The following P2RX5 variants were observed in gnomAD, a reference collection of about 807,000 sequenced individuals.
The protein encoded by P2RX5 is purinergic receptor P2X 5.
In P2RX5, 46 loss-of-function variants were observed where a neutral mutation model predicts 54.1. That is an observed-to-expected ratio of 0.85 (90% CI 0.67 to 1.09). The LOEUF (loss-of-function observed/expected upper bound fraction) is 1.09. Among genes scored for constraint, P2RX5 ranks in the 50% least tolerant of loss-of-function variants. P2RX5 has a pLI of 0.00. For missense variants in P2RX5, 566 were observed against 549.8 expected (o/e 1.03, Z -0.29); for synonymous variants, 226 against 226.4 (o/e 1.00, Z 0.02).
chr17:3,699,488 C>A (rs1372343026), upstream of P2RX5, among the ~76,000 whole-genome samples: 2 of 151,798 alleles, frequency 1.3e-5, no homozygotes, highest in African/African-American at 4.8e-5. Flanking sequence ...GAGTTCAACA[C>A]TGTAGTGAGC....
chr17:3,709,105 C>T, the P2RX5 span, among the ~76,000 whole-genome samples: 2 of 152,144 alleles, frequency 1.3e-5, no homozygotes, highest in Non-Finnish European at 2.9e-5. Flanking sequence ...GCGCCTGCCA[C>T]AACGCCAGGC....
At chr17:3,716,104 A>G in the P2RX5 span, among the ~76,000 whole-genome samples, 79,804 of 150,826 alleles carry the variant, frequency 0.53, 21,990 homozygotes, top group African/African-American at 0.64. Context: ...GGGGGAAGGG[A>G]AGGTTGCAGT....
chr17:3,716,861 T>G, the P2RX5 span: 1 of 951,082 alleles, frequency 1.1e-6, no homozygotes, highest in South Asian at 1.3e-5. Context: ...AAATCCTACA[T>G]GTTATTTTAA....
the P2RX5 span, among the ~76,000 whole-genome samples, chr17:3,711,798 G>A: frequency 1.3e-5 from 2 of 152,152 alleles, no homozygotes; most frequent in East Asian, 1.9e-4. Context: ...GGGTTCAAGC[G>A]ATTCTCATGC....
rs192544567 is a variant in P2RX5, at chr17:3,678,012, C to T, written c.1259+1578G>A. On this transcript the variant is annotated intron_variant, in intron 11 of 11. Coordinates refer to ENST00000225328, the MANE Select transcript of P2RX5 (RefSeq NM_002561.4). ...CAGGCACAGACTCCTCTACCCAGTTCAGAGCTGCGGGTTGTTCTGGCCCCA... is the reference window on the plus strand; with the variant it reads ...CAGGCACAGACTCCTCTACCCAGTTTAGAGCTGCGGGTTGTTCTGGCCCCA... 8 of 985,460 alleles carry T rather than the reference C, an allele frequency of 8.1e-6. No individual in the cohort carries two copies. In the East Asian group the frequency reaches 7.9e-4, roughly 98 times the overall value. 61.0% of individuals were successfully genotyped at this position (985,460 alleles called of 1,614,324 possible).
chr17:3,699,826 G>GAGAA (rs2050802637), upstream of P2RX5, among the ~76,000 whole-genome samples: 1 of 138,854 alleles, frequency 7.2e-6, no homozygotes, highest in Non-Finnish European at 1.6e-5. Flanking sequence ...AAGAGAGAAA[G>GAGAA]AGAGAGAGAG....
intron 1 of P2RX5, among the ~76,000 whole-genome samples, chr17:3,695,178 C>T (rs573032921): frequency 2.0e-5 from 3 of 152,342 alleles, no homozygotes; most frequent in African/African-American, 7.2e-5. Flanking sequence ...CCCCGACCCA[C>T]CCCGGGGTCA....
At chr17:3,685,379 C>T (rs894714405) in intron 9 of P2RX5, 3 of 153,182 alleles carry the variant, frequency 2.0e-5, no homozygotes, top group Admixed American at 6.5e-5. Flanking sequence ...TTTTCCCACG[C>T]CTATTCTGAT....
At chr17:3,689,026 G>A (rs1426868929) in intron 7 of P2RX5, among the ~76,000 whole-genome samples, 2 of 152,244 alleles carry the variant, frequency 1.3e-5, no homozygotes, top group Non-Finnish European at 2.9e-5. Context: ...TCACACTCCA[G>A]CCAGCATGTG....
chr17:3,710,193 G>A, the P2RX5 span, among the ~76,000 whole-genome samples: 31 of 152,056 alleles, frequency 2.0e-4, no homozygotes, highest in Admixed American at 9.2e-4. Flanking sequence ...TTGGGAAGCC[G>A]AGGTGAGCGG....
At chr17:3,688,538 A>G (rs2050513825) in intron 8 of P2RX5, 88 bp downstream of exon 8, 2 of 1,437,848 alleles carry the variant, frequency 1.4e-6, no homozygotes, top group Admixed American at 1.7e-5. Context: ...ACCCACCCCC[A>G]GGAAGGGGCC....
chr17:3,673,265 A>G lies in P2RX5; in HGVS notation c.*603T>C, dbSNP rs1490282030. ...CCATTTATTGTTTTATGACCAAATA[A>G]GAGTGTCAGAGAATACATATCTTGG... On this transcript the variant is annotated 3_prime_UTR_variant, in exon 12 of 12. Coordinates refer to ENST00000225328, the MANE Select transcript of P2RX5 (RefSeq NM_002561.4). The G allele has an allele frequency of 9.1e-6, 9 of 989,646 alleles. No individual in the cohort carries two copies. The highest frequency in any genetic ancestry group is 1.7e-5 in the African/African-American group (1 of 57,282). The allele number at this position is 989,646 out of a possible 1,614,324, so 61.3% of individuals were successfully genotyped here. A position where few individuals can be genotyped will look rare whatever the true frequency, so the allele number is the denominator to read the frequency against.
At chr17:3,677,301 G>A (rs1426122707) in intron 11 of P2RX5, 12 of 985,216 alleles carry the variant, frequency 1.2e-5, no homozygotes, top group South Asian at 4.7e-5. Flanking sequence ...GGGTCAAGGC[G>A]ACTGTATCTC....
chr17:3,720,439 T>G, the P2RX5 span: 2 of 936,276 alleles, frequency 2.1e-6, no homozygotes, highest in Non-Finnish European at 3.5e-6. Context: ...AAACAAAACA[T>G]ATTTTAGACA....
chr17:3,697,733 G>A (rs533592122), upstream of P2RX5, among the ~76,000 whole-genome samples: 101 of 152,312 alleles, frequency 6.6e-4, no homozygotes, highest in Admixed American at 1.0e-3. Flanking sequence ...TTGGGAAAGC[G>A]TGGATCTTTG....
chr17:3,684,482 G>A lies in P2RX5; in HGVS notation c.982-2504C>T, dbSNP rs755858416. On this transcript the variant is annotated intron_variant, in intron 9 of 11. Coordinates refer to ENST00000225328, the MANE Select transcript of P2RX5 (RefSeq NM_002561.4). ...AGCCACAGGTGGTGGTGCACCTGCA[G>A]CCCTGGCTAGTGGGGAGGCTGAGGT... 2.0e-5 allele frequency among the ~76,000 whole-genome samples: 3 copies of A among 152,150 alleles called. No homozygotes were observed. The South Asian group carries it at 6.2e-4, about 32-fold the overall frequency.
chr17:3,674,511 T>C (rs945136411), intron 11 of P2RX5, among the ~76,000 whole-genome samples: 1 of 152,162 alleles, frequency 6.6e-6, no homozygotes, highest in African/African-American at 2.4e-5. Flanking sequence ...GGGCCCCTGA[T>C]GGGCAGTCAA....
chr17:3,673,442 A>G lies in P2RX5; in HGVS notation c.*426T>C. Reference sequence around the variant, plus strand: ...CTGAGGGAAGCTGCGGCACTTGCAGAGGGGAGTGGGCTGGAACCAAATGGA... The same window carrying G: ...CTGAGGGAAGCTGCGGCACTTGCAGGGGGGAGTGGGCTGGAACCAAATGGA... On this transcript the variant is annotated 3_prime_UTR_variant, in exon 12 of 12. Transcript: ENST00000225328. 1 of 1,086,834 alleles carries G rather than the reference A, an allele frequency of 9.2e-7. No homozygotes were observed. The highest frequency in any genetic ancestry group is 1.6e-5 in the African/African-American group (1 of 61,418). The allele number at this position is 1,086,834 out of a possible 1,614,324, so 67.3% of individuals were successfully genotyped here.
intron 10 of P2RX5, 101 bp from the exon 11 acceptor site, chr17:3,679,885 G>GCCACCCTGCTTCCTCCAGCCGGTGTCCT (rs1288351546): frequency 6.0e-6 from 6 of 1,005,720 alleles, no homozygotes; most frequent in African/African-American, 3.2e-5. Flanking sequence ...CCTGCAGGCC[G>GCCACCCTGCTTCCTCCAGCCGGTGTCCT]CCACCCTGCT....
Sources: gnomAD v4.1 joint callset for allele counts (sites outside exome capture counted in the v4.1 genomes callset) on GRCh38, gnomAD v4.1.1 for gene constraint, MANE v1.5 for transcripts, NCBI Gene and HGNC (gene_info 2026-07-23, HGNC 2026-07-21) for gene names.